The following FOXJ3 variants were observed in gnomAD, a reference collection of about 807,000 sequenced individuals.
The protein encoded by FOXJ3 is forkhead box J3, also known as forkhead box protein J3.
A neutral mutation model predicts 76.1 loss-of-function variants in FOXJ3; 22 were observed. The observed-to-expected ratio is 0.29, with a 90% CI of 0.21 to 0.41. The LOEUF (loss-of-function observed/expected upper bound fraction) is 0.41, where lower values mean the gene tolerates loss of function less well. FOXJ3 is among the 10% of genes least tolerant of loss of function. FOXJ3 has a pLI of 1.00. For synonymous variants in FOXJ3, 269 were observed against 261.2 expected (o/e 1.03, Z -0.29); for missense variants, 613 against 762.1 (o/e 0.80, Z 2.30).
intron 2 of FOXJ3, among the ~76,000 whole-genome samples, chr1:42,299,827 G>C (rs1450868800): frequency 6.6e-6 from 1 of 152,026 alleles, no homozygotes; most frequent in Non-Finnish European, 1.5e-5. Context: ...AGAATTGCTT[G>C]GACCCAGGAG....
intron 3 of FOXJ3, among the ~76,000 whole-genome samples, chr1:42,276,668 A>G (rs187028905): frequency 6.6e-6 from 1 of 152,308 alleles, no homozygotes; most frequent in Admixed American, 6.5e-5. Flanking sequence ...GTATTTGCAT[A>G]TGCTCAAAGC....
intron 1 of FOXJ3, among the ~76,000 whole-genome samples, chr1:42,314,080 T>G (rs1654965785): frequency 6.6e-6 from 1 of 152,220 alleles, no homozygotes; most frequent in Non-Finnish European, 1.5e-5. Context: ...GGTTTCTAGC[T>G]TAACTCTTAC....
chr1:42,181,844 C>T (rs1208168857), intron 12 of FOXJ3, 73 bp downstream of exon 12: 3 of 946,966 alleles, frequency 3.2e-6, no homozygotes, highest in South Asian at 3.1e-5. Flanking sequence ...CTCTCACCTG[C>T]CATCGTTGTT....
chr1:42,274,674 C>A (rs1652123776), intron 3 of FOXJ3, among the ~76,000 whole-genome samples: 1 of 151,984 alleles, frequency 6.6e-6, no homozygotes, highest in African/African-American at 2.4e-5. Flanking sequence ...TAGTGCCTGG[C>A]AGACAGAAAA....
intron 4 of FOXJ3, among the ~76,000 whole-genome samples, chr1:42,230,820 A>G (rs1648028190): frequency 6.6e-6 from 1 of 152,210 alleles, no homozygotes; most frequent in Non-Finnish European, 1.5e-5. Context: ...AAACAGAATT[A>G]CCAAATCATC....
At chr1:42,191,197 C>G (rs1085252) in intron 9 of FOXJ3, 106 bp downstream of exon 9, 246,760 of 996,908 alleles carry the variant, frequency 0.25, 32,147 homozygotes, top group African/African-American at 0.33. Context: ...AGCAAGGAAA[C>G]AGATGTAAAG....
chr1:42,243,765 G>A (rs1032413544), intron 4 of FOXJ3, among the ~76,000 whole-genome samples: 2 of 151,934 alleles, frequency 1.3e-5, no homozygotes, highest in Admixed American at 1.3e-4. Context: ...AACCAGATAC[G>A]TATAACAAGT....
chr1:42,261,776 C>T (rs1284706982), intron 4 of FOXJ3, among the ~76,000 whole-genome samples: 3 of 152,184 alleles, frequency 2.0e-5, no homozygotes, highest in Non-Finnish European at 1.5e-5. Context: ...CCAAAATCTA[C>T]TCCCACCCCA....
chr1:42,321,851 GA>G (rs1388255855), intron 1 of FOXJ3, among the ~76,000 whole-genome samples: 3 of 152,132 alleles, frequency 2.0e-5, no homozygotes, highest in South Asian at 2.1e-4. Context: ...GATGTATGAG[GA>G]AGATTCCATT....
intron 2 of FOXJ3, among the ~76,000 whole-genome samples, chr1:42,304,877 C>T (rs565681938): frequency 1.3e-5 from 2 of 151,928 alleles, no homozygotes; most frequent in Non-Finnish European, 2.9e-5. Context: ...GCAACCAAAG[C>T]GAAAATAGAC....
At chr1:42,311,960 C>T (rs1321212884) in intron 1 of FOXJ3, among the ~76,000 whole-genome samples, 4 of 152,066 alleles carry the variant, frequency 2.6e-5, no homozygotes, top group Non-Finnish European at 4.4e-5. Context: ...TTGGGCAGAA[C>T]GATGATTCAC....
At chr1:42,270,366 T>C (rs978521243) in intron 3 of FOXJ3, among the ~76,000 whole-genome samples, 6 of 152,242 alleles carry the variant, frequency 3.9e-5, no homozygotes, top group African/African-American at 1.4e-4. Flanking sequence ...AAAATGTAAA[T>C]AGGTTCCATG....
intron 5 of FOXJ3, among the ~76,000 whole-genome samples, chr1:42,216,334 C>T (rs1015487483): frequency 8.6e-5 from 13 of 151,622 alleles, no homozygotes; most frequent in African/African-American, 1.4e-4. Flanking sequence ...CTGGCTAACA[C>T]GGTGAAACCC....
intron 11 of FOXJ3, among the ~76,000 whole-genome samples, chr1:42,184,037 ACT>A (rs1419111051): frequency 2.0e-5 from 3 of 152,270 alleles, no homozygotes; most frequent in Middle Eastern, 3.4e-3. Context: ...GAAAAGTTAT[ACT>A]AAACTACAGC....
Position 42,212,536 on chromosome 1 carries a change from G to GA in FOXJ3, c.529-6674dup, listed in dbSNP as rs887553539. On this transcript the variant is annotated intron_variant, in intron 5 of 12. Transcript: ENST00000361346. ...GTTAACCTCATCAGATAAAAATAAA[G>GA]AAAAAAAATGAAAAGAAATGAACAG... Among the ~76,000 whole-genome samples, 9 of 151,144 alleles carry GA rather than the reference G, an allele frequency of 6.0e-5. No homozygotes were observed. In the South Asian group the frequency reaches 6.2e-4, roughly 10 times the overall value.
At chr1:42,208,495 C>T (rs576340564) in intron 5 of FOXJ3, among the ~76,000 whole-genome samples, 23 of 152,296 alleles carry the variant, frequency 1.5e-4, no homozygotes, top group African/African-American at 5.5e-4. Context: ...AATATCCTTT[C>T]ATGACAAAAA....
intron 3 of FOXJ3, among the ~76,000 whole-genome samples, chr1:42,272,334 T>G (rs1029302031): frequency 1.3e-5 from 2 of 152,118 alleles, no homozygotes; most frequent in African/African-American, 4.8e-5. Context: ...GGAGAGTGAA[T>G]GGGAAGTAAA....
rs1299924877 is a variant in FOXJ3, at chr1:42,177,648, T to G, written c.*2062A>C. 6.6e-6 allele frequency: 1 copy of G among 152,520 alleles called. No homozygotes were observed. The highest frequency in any genetic ancestry group is 2.4e-5 in the African/African-American group (1 of 41,392). The allele number at this position is 152,520 out of a possible 1,614,324, so 9.4% of individuals were successfully genotyped here. A position where few individuals can be genotyped will look rare whatever the true frequency, so the allele number is the denominator to read the frequency against. On this transcript the variant is annotated 3_prime_UTR_variant, in exon 13 of 13. Transcript: ENST00000361346. ...ACTGAGCTTCCTTTTTCATGCCAAG[T>G]AGGGTCCAAACAACAGAGAAACATA... is the stretch of plus-strand genomic sequence containing the variant.
intron 2 of FOXJ3, among the ~76,000 whole-genome samples, chr1:42,295,839 T>C (rs1364180860): frequency 1.3e-5 from 2 of 152,128 alleles, no homozygotes; most frequent in African/African-American, 4.8e-5. Flanking sequence ...GTGTCTTTTG[T>C]ATATAGTGAT....
Sources: gnomAD v4.1 joint callset for allele counts (sites outside exome capture counted in the v4.1 genomes callset) on GRCh38, gnomAD v4.1.1 for gene constraint, MANE v1.5 for transcripts, NCBI Gene and HGNC (gene_info 2026-07-23, HGNC 2026-07-21) for gene names.